Variants in NRXN3 observed in about 807,000 individuals in gnomAD.
NRXN3 encodes neurexin III.
Under a neutral mutation model 137.6 loss-of-function variants are expected in NRXN3, and 32 were observed. That is an observed-to-expected ratio of 0.23 (90% CI 0.18 to 0.31). The LOEUF is 0.31. NRXN3 is among the 10% of genes least tolerant of loss of function. The pLI, the probability that NRXN3 is intolerant of heterozygous loss-of-function variation, is 1.00. For missense variants in NRXN3, 1,574 were observed against 2,062.5 expected (o/e 0.76, Z 4.59); for synonymous variants, 798 against 784.5 (o/e 1.02, Z -0.29).
At chr14:78,824,263 T>C (rs2098960068) in intron 10 of NRXN3, among the ~76,000 whole-genome samples, 1 of 152,092 alleles carries the variant, frequency 6.6e-6, no homozygotes, top group African/African-American at 2.4e-5. Flanking sequence ...TTTTTAAGGT[T>C]TCTCTGGGTA....
Position 79,242,064 on chromosome 14 carries a change from C to G in NRXN3, c.3263-225157C>G, listed in dbSNP as rs1033926812. Among the ~76,000 whole-genome samples the G allele has an allele frequency of 2.4e-4, 33 of 136,874 alleles. 1 individual carries two copies. Among genetic ancestry groups the G allele is most frequent in the Non-Finnish European group, 6.5e-5 (4 of 61,362 alleles). 89.8% of individuals were successfully genotyped at this position (136,874 alleles called of 152,430 possible). On this transcript the variant is annotated intron_variant, in intron 15 of 20. Transcript: ENST00000335750. ...CCTGGGTGACAGAGCCAGACTCCAT[C>G]TCAGAAAAAAAAAAATTAAATGCTC...
intron 17 of NRXN3, among the ~76,000 whole-genome samples, chr14:79,685,180 T>C (rs2098689766): frequency 6.6e-6 from 1 of 152,222 alleles, no homozygotes; most frequent in African/African-American, 2.4e-5. Flanking sequence ...TAACAAATCA[T>C]ATATTGAGGG....
chr14:79,346,203 T>TGAGGTCAGGAGTCC (rs1420089662), intron 15 of NRXN3, among the ~76,000 whole-genome samples: 1 of 152,174 alleles, frequency 6.6e-6, no homozygotes, highest in Admixed American at 6.5e-5. Flanking sequence ...GTGGATTACC[T>TGAGGTCAGGAGTCC]GAGGTCAGGA....
chr14:78,809,933 G>A (rs1251474442), intron 9 of NRXN3, among the ~76,000 whole-genome samples: 1 of 151,784 alleles, frequency 6.6e-6, no homozygotes, highest in Non-Finnish European at 1.5e-5. Context: ...ATTTGGTGGG[G>A]GGAATTATTG....
At chr14:79,693,538 G>A (rs377311008) in intron 18 of NRXN3, among the ~76,000 whole-genome samples, 1 of 151,860 alleles carries the variant, frequency 6.6e-6, no homozygotes, top group African/African-American at 2.4e-5. Context: ...AAGCAAACTA[G>A]ATGCATGTCT....
At chr14:78,194,131 T>A (rs541806815) in intron 1 of NRXN3, among the ~76,000 whole-genome samples, 2 of 152,342 alleles carry the variant, frequency 1.3e-5, no homozygotes, top group East Asian at 3.9e-4. Flanking sequence ...TCCATCTGCA[T>A]GAAAAGGATT....
Position 79,663,849 on chromosome 14 carries a change from T to C in NRXN3, c.3516T>C (p.Pro1172=), listed in dbSNP as rs767956975. The C allele has an allele frequency of 6.2e-7, 1 of 1,613,522 alleles. No homozygotes were observed. Among genetic ancestry groups the C allele is most frequent in the South Asian group, 1.1e-5 (1 of 91,078 alleles). The stretch of plus-strand genomic sequence containing the variant: ...TCTCCATCAAAGAGGAGAGAACCCC[T>C]GTAAATGACGGCAAATACCATGTGG... ...VDISIKEERT[P]VNDGKYHVVR... The change falls in exon 17 of 21, where the codon CCT becomes CCC. Residue 1172 remains proline, a synonymous_variant. Coordinates refer to ENST00000335750, the MANE Select transcript of NRXN3 (RefSeq NM_001330195.2).
intron 4 of NRXN3, among the ~76,000 whole-genome samples, chr14:78,340,735 T>G (rs1304135992): frequency 6.6e-6 from 1 of 152,182 alleles, no homozygotes; most frequent in Non-Finnish European, 1.5e-5. Flanking sequence ...GACCTGTAAC[T>G]GACACAGCAT....
chr14:79,485,584 C>T (rs1269365459), intron 16 of NRXN3, among the ~76,000 whole-genome samples: 7 of 152,088 alleles, frequency 4.6e-5, no homozygotes, highest in Admixed American at 4.6e-4. Context: ...TTGTAGCACT[C>T]CTTTTGTGTG....
At position 79,861,054 on chromosome 14, in the gene NRXN3, T is replaced by C; in HGVS notation, c.4094-288T>C. On this transcript the variant is annotated intron_variant, in intron 20 of 20. Coordinates refer to ENST00000335750, the MANE Select transcript of NRXN3 (RefSeq NM_001330195.2). This position sits in a 1 kb window ranked among gnomAD's most constrained non-coding sequence, Gnocchi z 5.4. ...TCCATCCCAGGAGGTGAATTAGTTA[T>C]CCCTCTTCTTGTAGAAGACCCTTTA... 2.1e-6 allele frequency: 3 copies of C among 1,415,130 alleles called. No individual in the cohort carries two copies. Among genetic ancestry groups the C allele is most frequent in the Non-Finnish European group, 2.8e-6 (3 of 1,087,078 alleles). 87.7% of individuals were successfully genotyped at this position (1,415,130 alleles called of 1,614,324 possible). A position where few individuals can be genotyped will look rare whatever the true frequency, so the allele number is the denominator to read the frequency against.
At chr14:79,338,230 TG>T (rs2092395377) in intron 15 of NRXN3, among the ~76,000 whole-genome samples, 2 of 150,808 alleles carry the variant, frequency 1.3e-5, no homozygotes, top group Admixed American at 1.3e-4. Context: ...TGTGTGTGTG[TG>T]TGTGTGTGTG....
intron 15 of NRXN3, among the ~76,000 whole-genome samples, chr14:79,274,503 G>A (rs2079953187): frequency 6.6e-6 from 1 of 152,050 alleles, no homozygotes; most frequent in South Asian, 2.1e-4. Flanking sequence ...ACCTTCGATA[G>A]CTAGTCTAAG....
chr14:78,513,787 A>T (rs1231422812), intron 4 of NRXN3, among the ~76,000 whole-genome samples: 1 of 152,170 alleles, frequency 6.6e-6, no homozygotes, highest in African/African-American at 2.4e-5. Context: ...CAATATAAAA[A>T]TTGATTTAAG....
At chr14:78,183,386 A>G (rs2059978853) in intron 1 of NRXN3, among the ~76,000 whole-genome samples, 1 of 152,108 alleles carries the variant, frequency 6.6e-6, no homozygotes. Context: ...TGCTCACCCA[A>G]GTTGTGTGGT....
At chr14:78,936,686 A>G (rs1391353678) in intron 10 of NRXN3, among the ~76,000 whole-genome samples, 3 of 152,214 alleles carry the variant, frequency 2.0e-5, no homozygotes, top group African/African-American at 7.2e-5. Context: ...TGTGTCCATT[A>G]TACTTCAATT....
intron 16 of NRXN3, among the ~76,000 whole-genome samples, chr14:79,657,336 G>A (rs1291677079): frequency 3.3e-5 from 5 of 152,042 alleles, no homozygotes; most frequent in Non-Finnish European, 5.9e-5. Context: ...CCTCTCCCCT[G>A]CTTTTCCTGC....
chr14:78,319,152 C>T (rs2079042709), intron 4 of NRXN3, among the ~76,000 whole-genome samples: 1 of 152,182 alleles, frequency 6.6e-6, no homozygotes, highest in South Asian at 2.1e-4. Flanking sequence ...AGGAGGAGAA[C>T]AGCACTCCTT....
intron 16 of NRXN3, among the ~76,000 whole-genome samples, chr14:79,608,549 G>C (rs1427424211): frequency 1.3e-5 from 2 of 152,174 alleles, no homozygotes; most frequent in Non-Finnish European, 2.9e-5. Context: ...TTTTAGTAGG[G>C]ATAAGCAGAG....
intron 15 of NRXN3, among the ~76,000 whole-genome samples, chr14:79,291,704 T>TTATACTGAAAACAG (rs1205630771): frequency 6.7e-6 from 1 of 149,702 alleles, no homozygotes; most frequent in African/African-American, 2.5e-5. Context: ...TATACTGAAA[T>TTATACTGAAAACAG]TATACTGAAA....
Sources: allele counts gnomAD v4.1 joint callset (sites outside exome capture counted in the v4.1 genomes callset), GRCh38; gene constraint gnomAD v4.1.1; non-coding constraint Gnocchi (gnomAD v3.1); transcripts MANE v1.5; gene names NCBI Gene and HGNC (gene_info 2026-07-23, HGNC 2026-07-21).